SRPRA: variants seen among roughly 807,000 people sequenced by gnomAD.
The protein encoded by SRPRA is SRP receptor subunit alpha.
SRPRA carries 30 observed loss-of-function variants against 61.1 expected under a neutral mutation model. That is an observed-to-expected ratio of 0.49 (90% confidence interval 0.37 to 0.67). SRPRA has a LOEUF of 0.67. Among genes scored for constraint, SRPRA ranks in the 30% least tolerant of loss-of-function variants. SRPRA has a pLI of 0.00. For synonymous variants in SRPRA, 324 were observed against 299.7 expected (o/e 1.08, Z -0.84); for missense variants, 759 against 828.4 (o/e 0.92, Z 1.03).
chr11:126,240,037 T>C, the SRPRA span, among the ~76,000 whole-genome samples: 1 of 152,016 alleles, frequency 6.6e-6, no homozygotes, highest in East Asian at 1.9e-4. Flanking sequence ...AAAATTAATG[T>C]GAAGGAACAT....
At chr11:126,261,439 GAA>G (rs781445377), downstream of SRPRA, 4 of 1,613,118 alleles carry the variant, frequency 2.5e-6, no homozygotes, top group South Asian at 4.4e-5. Flanking sequence ...GATGGTGAGA[GAA>G]GGTCAGCTAA....
At position 126,265,516 on chromosome 11, in the gene SRPRA, G is replaced by A; in HGVS notation, c.1139-76C>T. 2 of 1,505,478 alleles carry A rather than the reference G, an allele frequency of 1.3e-6. No homozygotes were observed. The highest frequency in any genetic ancestry group is 1.2e-5 in the South Asian group (1 of 82,192). The allele number at this position is 1,505,478 out of a possible 1,614,324, so 93.3% of individuals were successfully genotyped here. ...TCAAAAATGCCTAACACCTTTCTGAGCTAAGGGGACTAAAACAGTAAATTA... is the reference window on the plus strand; with the variant it reads ...TCAAAAATGCCTAACACCTTTCTGAACTAAGGGGACTAAAACAGTAAATTA... On this transcript the variant is annotated intron_variant, in intron 9 of 13. Transcript: ENST00000332118. The surrounding 1 kb of genome is among the most constrained non-coding windows in gnomAD (Gnocchi z 6.3).
In SRPRA at chr11:126,263,736, C is replaced by T; in HGVS notation, c.*180G>A. 2.3e-6 allele frequency: 2 copies of T among 864,010 alleles called. No individual in the cohort carries two copies. The highest frequency in any genetic ancestry group is 1.7e-5 in the South Asian group (1 of 59,180). The allele number at this position is 864,010 out of a possible 1,614,324, so 53.5% of individuals were successfully genotyped here. On this transcript the variant is annotated 3_prime_UTR_variant, in exon 14 of 14. Coordinates refer to ENST00000332118, the MANE Select transcript of SRPRA (RefSeq NM_003139.4). ...GGCAGTGATTGTAACATGATTAGGC[C>T]TTCCTTGCAGATGGCGGCTGTGCTG... is the stretch of plus-strand genomic sequence containing the variant.
chr11:126,268,294 A>G (rs1180309976), intron 1 of SRPRA, among the ~76,000 whole-genome samples: 2 of 152,242 alleles, frequency 1.3e-5, no homozygotes, highest in Non-Finnish European at 2.9e-5. Flanking sequence ...AGAGAGAGCA[A>G]GACACATGGG....
Position 126,264,367 on chromosome 11 carries a change from C to T in SRPRA, c.1689+9G>A, listed in dbSNP as rs199576057. 1.3e-4 allele frequency: 202 copies of T among 1,614,126 alleles called. No homozygotes were observed. The African/African-American group carries it at 2.2e-3, about 18-fold the overall frequency. ...CAAGTTGTAAAGGGAACTGGGCCCA[C>T]GCTCTCACCAGCTGGTCCACGGCTT... On this transcript the variant is annotated intron_variant, in intron 12 of 13. Coordinates refer to ENST00000332118, the MANE Select transcript of SRPRA (RefSeq NM_003139.4). This position sits in a 1 kb window ranked among gnomAD's most constrained non-coding sequence, Gnocchi z 5.0.
At chr11:126,252,267 A>G in the SRPRA span, among the ~76,000 whole-genome samples, 9 of 152,296 alleles carry the variant, frequency 5.9e-5, 1 homozygote, top group Non-Finnish European at 1.0e-4. This position sits in a 1 kb window ranked among gnomAD's most constrained non-coding sequence, Gnocchi z 4.7. Flanking sequence ...GATTACAGGC[A>G]TGAGCCACCA....
chr11:126,243,139 G>A, the SRPRA span, among the ~76,000 whole-genome samples: 1 of 152,204 alleles, frequency 6.6e-6, no homozygotes, highest in Admixed American at 6.5e-5. Flanking sequence ...CATATAAAAT[G>A]TCCAGAACAG....
downstream of SRPRA, chr11:126,262,317 A>T: frequency 3.5e-6 from 2 of 575,410 alleles, no homozygotes; most frequent in Non-Finnish European, 3.1e-6. Context: ...CTGGTTCTTG[A>T]TATTCTGCCG....
the SRPRA span, among the ~76,000 whole-genome samples, chr11:126,252,332 A>G: frequency 2.6e-5 from 4 of 152,196 alleles, no homozygotes; most frequent in Non-Finnish European, 5.9e-5. This position sits in a 1 kb window ranked among gnomAD's most constrained non-coding sequence, Gnocchi z 4.7. Flanking sequence ...TGTTTACCCC[A>G]TAGGAATAGT....
rs1428291478 is a variant in SRPRA, at chr11:126,263,080, CTTGTCT to C, written c.*830_*835del. 2 of 152,630 alleles carry C rather than the reference CTTGTCT, an allele frequency of 1.3e-5. No individual in the cohort carries two copies. Among genetic ancestry groups the C allele is most frequent in the African/African-American group, 2.4e-5 (1 of 41,452 alleles). 9.5% of individuals were successfully genotyped at this position (152,630 alleles called of 1,614,324 possible). ...GAGGTTTGTGTTCTTCAATGTAGCA[CTTGTCT>C]ACCAGGCACTGTAGAGGGGAGTGAT... On this transcript the variant is annotated 3_prime_UTR_variant, in exon 14 of 14. Coordinates refer to ENST00000332118, the MANE Select transcript of SRPRA (RefSeq NM_003139.4).
chr11:126,249,747 A>G, the SRPRA span, among the ~76,000 whole-genome samples: 3 of 150,256 alleles, frequency 2.0e-5, no homozygotes, highest in African/African-American at 4.9e-5. Context: ...AAAAAAAAAA[A>G]AAAAAAAGAA....
In SRPRA at chr11:126,263,584, A is replaced by T. The variant is rs1443050719; in HGVS notation, c.*332T>A. 8.1e-6 allele frequency: 2 copies of T among 247,828 alleles called. No homozygotes were observed. Among genetic ancestry groups the T allele is most frequent in the Non-Finnish European group, 1.6e-5 (2 of 125,522 alleles). The allele number at this position is 247,828 out of a possible 1,614,324, so 15.4% of individuals were successfully genotyped here. A position where few individuals can be genotyped will look rare whatever the true frequency, so the allele number is the denominator to read the frequency against. ...GGCTCAGACGGCTCTTGACCACACTAATTATTAGCAAAGCTCTGGTGTTGG... is the reference window on the plus strand; with the variant it reads ...GGCTCAGACGGCTCTTGACCACACTTATTATTAGCAAAGCTCTGGTGTTGG... On this transcript the variant is annotated 3_prime_UTR_variant, in exon 14 of 14. Coordinates refer to ENST00000332118, the MANE Select transcript of SRPRA (RefSeq NM_003139.4).
chr11:126,241,752 G>A, the SRPRA span, among the ~76,000 whole-genome samples: 1 of 152,096 alleles, frequency 6.6e-6, no homozygotes, highest in Admixed American at 6.5e-5. Flanking sequence ...GTTTTGCCAT[G>A]TTGGTCAAGC....
chr11:126,257,171 T>C, the SRPRA span, among the ~76,000 whole-genome samples: 2 of 152,252 alleles, frequency 1.3e-5, no homozygotes, highest in East Asian at 1.9e-4. Context: ...CAATTTTGGC[T>C]AAGGCTGTGA....
the SRPRA span, among the ~76,000 whole-genome samples, chr11:126,244,593 C>T: frequency 1.3e-5 from 2 of 152,150 alleles, no homozygotes; most frequent in African/African-American, 4.8e-5. The surrounding 1 kb of genome is among the most constrained non-coding windows in gnomAD (Gnocchi z 4.5). Flanking sequence ...CACCTGAGGT[C>T]GGGAGGTAGA....
chr11:126,258,187 G>C (rs187335096), downstream of SRPRA, among the ~76,000 whole-genome samples: 36 of 152,272 alleles, frequency 2.4e-4, no homozygotes, highest in East Asian at 4.4e-3. Flanking sequence ...CTTGAGGCCA[G>C]GAGTTCAAGA....
At position 126,268,101 on chromosome 11, in the gene SRPRA, T is replaced by C. The variant is rs1251346122; in HGVS notation, c.118-15A>G. ...CCTCCCCGTTCCTGGAGAAAGAGTA[T>C]GTCTCAGTGTTCAGACTATCCCCAG... On this transcript the variant is annotated splice_polypyrimidine_tract_variant and intron_variant, in intron 1 of 13. Coordinates refer to ENST00000332118, the MANE Select transcript of SRPRA (RefSeq NM_003139.4). 2 of 1,612,730 alleles carry C rather than the reference T, an allele frequency of 1.2e-6. No homozygotes were observed. The highest frequency in any genetic ancestry group is 1.7e-6 in the Non-Finnish European group (2 of 1,178,850).
Position 126,266,877 on chromosome 11 carries a change from T to C in SRPRA, c.572A>G (p.Lys191Arg), listed in dbSNP as rs1300839243. 2 of 1,614,170 alleles carry C rather than the reference T, an allele frequency of 1.2e-6. No homozygotes were observed. The highest frequency in any genetic ancestry group is 4.5e-5 in the East Asian group (2 of 44,886). Residue 191 changes from lysine (K) to arginine (R), a missense_variant, in exon 5 of 14, where the codon AAG (lysine) becomes AGG (arginine). Around this residue, in one of 2 missense-constraint regions of SRPRA, gnomAD observed 475 missense variants for 462.5 expected, o/e 1.03. Transcript: ENST00000332118. ...CTCAGGACCCACTGGAAGACCTGACTTTTCTGCAGGGACTGGTTTGCTGGT... is the reference window on the plus strand; with the variant it reads ...CTCAGGACCCACTGGAAGACCTGACCTTTCTGCAGGGACTGGTTTGCTGGT... ...LATSKPVPAE[K>R]SGLPVGPENG...
At chr11:126,266,452 A>G (rs1329212430) in intron 6 of SRPRA, 24 bp downstream of exon 6, 2 of 1,607,710 alleles carry the variant, frequency 1.2e-6, no homozygotes, top group Admixed American at 1.7e-5. Flanking sequence ...GTTAAAGATC[A>G]CTTTGACCCC....
Sources: gnomAD v4.1 joint callset for allele counts (sites outside exome capture counted in the v4.1 genomes callset) on GRCh38, gnomAD v4.1.1 for gene constraint, gnomAD v4.1.1 regional missense constraint, Gnocchi (gnomAD v3.1) non-coding constraint, MANE v1.5 for transcripts, NCBI Gene and HGNC (gene_info 2026-07-23, HGNC 2026-07-21) for gene names.